The following ZBTB40 variants were observed in gnomAD, a reference collection of about 807,000 sequenced individuals.
ZBTB40 encodes zinc finger and BTB domain-containing protein 40.
In ZBTB40, 60 loss-of-function variants were observed where a neutral mutation model predicts 117.5. The observed-to-expected ratio is 0.51, with a 90% confidence interval of 0.41 to 0.63. The LOEUF is 0.63. Ranked by LOEUF, ZBTB40 falls within the 30% of genes least tolerant of loss-of-function variation. The pLI is 0.00. For missense variants in ZBTB40, 1,287 were observed against 1,498.5 expected, an observed-to-expected ratio of 0.86 and a Z score of 2.33; for synonymous variants, 525 against 577.1, an observed-to-expected ratio of 0.91 and a Z score of 1.29.
intron 1 of ZBTB40, among the ~76,000 whole-genome samples, chr1:22,475,972 A>C (rs1641540711): frequency 6.6e-6 from 1 of 152,216 alleles, no homozygotes; most frequent in South Asian, 2.1e-4. Flanking sequence ...TCCCTGAGGC[A>C]CAGAAGAGAG....
intron 1 of ZBTB40, among the ~76,000 whole-genome samples, chr1:22,487,727 A>G (rs1638509871): frequency 6.6e-6 from 1 of 151,986 alleles, no homozygotes; most frequent in Admixed American, 6.6e-5. Flanking sequence ...TTCTGTACAC[A>G]TGTTACTTAG....
intron 1 of ZBTB40, among the ~76,000 whole-genome samples, chr1:22,478,864 C>T: frequency 6.6e-6 from 1 of 152,134 alleles, no homozygotes; most frequent in East Asian, 1.9e-4. Flanking sequence ...AATATCTACT[C>T]TTGTAACCAT....
chr1:22,435,916 A>G (rs1640663933), intron 1 of ZBTB40, among the ~76,000 whole-genome samples: 1 of 152,114 alleles, frequency 6.6e-6, no homozygotes. Context: ...TAAAAAAAAA[A>G]AAAATACAAA....
intron 1 of ZBTB40, among the ~76,000 whole-genome samples, chr1:22,444,233 G>A (rs1398880610): frequency 6.6e-6 from 1 of 151,968 alleles, no homozygotes; most frequent in East Asian, 1.9e-4. Flanking sequence ...GCAAACATGC[G>A]AAAACTCATC....
chr1:22,480,831 A>G (rs1210078638), intron 1 of ZBTB40, among the ~76,000 whole-genome samples: 2 of 152,174 alleles, frequency 1.3e-5, no homozygotes, highest in Non-Finnish European at 2.9e-5. Flanking sequence ...CTGATGGCCT[A>G]GATAATAAGC....
At chr1:22,510,064 G>A (rs1639189424) in intron 9 of ZBTB40, among the ~76,000 whole-genome samples, 1 of 152,224 alleles carries the variant, frequency 6.6e-6, no homozygotes, top group Non-Finnish European at 1.5e-5. Context: ...CTCATTTTCT[G>A]TAAGCCTTCA....
intron 15 of ZBTB40, 80 bp from the exon 16 acceptor site, chr1:22,522,297 C>A: frequency 1.4e-6 from 2 of 1,403,908 alleles, no homozygotes; most frequent in East Asian, 4.6e-5. Flanking sequence ...ATCGCCCCAA[C>A]CCCAGCCCTG....
Position 22,511,209 on chromosome 1 carries a change from C to G in ZBTB40, c.1864C>G (p.Pro622Ala), listed in dbSNP as rs1222637453. The G allele has an allele frequency of 6.2e-7, 1 of 1,614,008 alleles. No homozygotes were observed. Among genetic ancestry groups the G allele is most frequent in the Non-Finnish European group, 8.5e-7 (1 of 1,180,028 alleles). ...GAGCATTCCCTCTGAGACAGCCAGC[C>G]CTGAAGCTTCCCTGAGAGCAGTGCT... ...ILSIPSETAS[P>A]EASLRAVLSR... The change falls in exon 10 of 18, where the codon CCT (proline) becomes GCT (alanine). Residue 622 changes from proline to alanine, a missense_variant. Physicochemically the swap from Pro to Ala is conservative, Grantham distance 27. This residue lies in a region of ZBTB40 where 870 missense variants were observed against 934.4 expected (regional missense o/e 0.93). Coordinates refer to ENST00000375647, the MANE Select transcript of ZBTB40 (RefSeq NM_014870.4).
intron 6 of ZBTB40, among the ~76,000 whole-genome samples, 153 bp downstream of exon 6, chr1:22,506,394 G>T (rs990575368): frequency 2.0e-5 from 3 of 152,078 alleles, no homozygotes; most frequent in Admixed American, 6.6e-5. Context: ...GATAATTCTC[G>T]ATCTCTCTGG....
chr1:22,444,351 C>T (rs1478738733), intron 1 of ZBTB40, among the ~76,000 whole-genome samples: 6 of 152,076 alleles, frequency 3.9e-5, no homozygotes, highest in Non-Finnish European at 8.8e-5. Context: ...TCCCAGGAGT[C>T]AGAGGTTGCA....
At chr1:22,497,118 C>A (rs565441922) in intron 3 of ZBTB40, among the ~76,000 whole-genome samples, 1 of 152,164 alleles carries the variant, frequency 6.6e-6, no homozygotes, top group African/African-American at 2.4e-5. Context: ...TTATTCCTAG[C>A]CATGTCTCTG....
chr1:22,526,572 A>G lies in ZBTB40; in HGVS notation c.*176A>G. The G allele has an allele frequency of 1.3e-5, 10 of 786,016 alleles. No homozygotes were observed. The South Asian group carries it at 1.6e-4, about 13-fold the overall frequency. 48.7% of individuals were successfully genotyped at this position (786,016 alleles called of 1,614,324 possible). On this transcript the variant is annotated 3_prime_UTR_variant, in exon 18 of 18. Coordinates refer to ENST00000375647, the MANE Select transcript of ZBTB40 (RefSeq NM_014870.4). ...GCTTCGTTGTTCTCATAGAACCAAC[A>G]GCATCTGAGCCCTCAACACCAACAG...
rs1346713456 is a variant in ZBTB40, at chr1:22,530,224, G to C, written c.*3828G>C. Reference sequence around the variant, plus strand: ...TATAATGAGTCCTCCCCAAGGGTGAGTTCAGCACCCCAGCCCTGTTCTGCT... The same window carrying C: ...TATAATGAGTCCTCCCCAAGGGTGACTTCAGCACCCCAGCCCTGTTCTGCT... On this transcript the variant is annotated 3_prime_UTR_variant, in exon 18 of 18. Coordinates refer to ENST00000375647, the MANE Select transcript of ZBTB40 (RefSeq NM_014870.4). The C allele has an allele frequency of 6.6e-6, 1 of 152,250 alleles. No individual in the cohort carries two copies. Among genetic ancestry groups the C allele is most frequent in the Non-Finnish European group, 1.5e-5 (1 of 68,040 alleles). 9.4% of individuals were successfully genotyped at this position (152,250 alleles called of 1,614,324 possible).
chr1:22,478,465 T>C (rs1490719049), intron 1 of ZBTB40, among the ~76,000 whole-genome samples: 1 of 152,142 alleles, frequency 6.6e-6, no homozygotes, highest in African/African-American at 2.4e-5. Flanking sequence ...GCCAGGATGG[T>C]CTTGATCTCC....
At chr1:22,468,842 G>A (rs1163595075) in intron 1 of ZBTB40, among the ~76,000 whole-genome samples, 2 of 150,926 alleles carry the variant, frequency 1.3e-5, no homozygotes, top group Non-Finnish European at 2.9e-5. Context: ...GGTTTGTTTA[G>A]TAGGGACAGG....
At chr1:22,511,142 A>G in intron 9 of ZBTB40, 37 bp from the exon 10 acceptor site, 1 of 1,600,246 alleles carries the variant, frequency 6.2e-7, no homozygotes, top group Non-Finnish European at 8.5e-7. Flanking sequence ...ATCTGCTGAG[A>G]TTAACCCCAC....
chr1:22,482,692 A>C (rs917537192), intron 1 of ZBTB40, among the ~76,000 whole-genome samples: 1 of 152,078 alleles, frequency 6.6e-6, no homozygotes, highest in Non-Finnish European at 1.5e-5. Flanking sequence ...CTTTTTTACT[A>C]TCTATATATT....
chr1:22,493,626 C>T (rs1299839993), intron 3 of ZBTB40, among the ~76,000 whole-genome samples: 1 of 152,092 alleles, frequency 6.6e-6, no homozygotes, highest in Non-Finnish European at 1.5e-5. Context: ...CTGTGTACTA[C>T]CCCTCTCTCC....
At chr1:22,523,016 C>T (rs1187388256) in intron 16 of ZBTB40, among the ~76,000 whole-genome samples, 7 of 143,408 alleles carry the variant, frequency 4.9e-5, no homozygotes, top group East Asian at 2.2e-4. Flanking sequence ...GGCGCGATCT[C>T]GGCTCACTGC....
Sources: gnomAD v4.1 joint callset for allele counts (sites outside exome capture counted in the v4.1 genomes callset) on GRCh38, gnomAD v4.1.1 for gene constraint, gnomAD v4.1.1 regional missense constraint, MANE v1.5 for transcripts, NCBI Gene and HGNC (gene_info 2026-07-23, HGNC 2026-07-21) for gene names.